Variants in ANKFN1 observed in about 807,000 individuals in gnomAD.
ANKFN1 encodes the protein ankyrin repeat and fibronectin type III domain containing 1, also known as ankyrin repeat and fibronectin type-III domain-containing protein 1.
A neutral mutation model predicts 108.7 loss-of-function variants in ANKFN1; 74 were observed. The observed-to-expected ratio is 0.68, with a 90% CI of 0.56 to 0.83. ANKFN1 has a LOEUF of 0.83. Among genes scored for constraint, ANKFN1 ranks in the 40% least tolerant of loss-of-function variants. The probability of loss-of-function intolerance (pLI) is 0.00; values close to 1 mark genes in which losing one functional copy is unlikely to be tolerated. For missense variants in ANKFN1, 1,505 were observed against 1,382.3 expected (o/e 1.09, Z -1.41); for synonymous variants, 547 against 516.2 (o/e 1.06, Z -0.81).
At chr17:56,101,151 A>C (rs1905640087) in intron 4 of ANKFN1, among the ~76,000 whole-genome samples, 1 of 152,170 alleles carries the variant, frequency 6.6e-6, no homozygotes, top group Non-Finnish European at 1.5e-5. Context: ...GATCTTCCAG[A>C]GTCTTGATTT....
chr17:56,333,996 A>T (rs2045737330), intron 4 of ANKFN1, among the ~76,000 whole-genome samples: 1 of 152,080 alleles, frequency 6.6e-6, no homozygotes, highest in African/African-American at 2.4e-5. Context: ...AAAATGATAC[A>T]TCTTGTTGCT....
chr17:56,151,087 G>A (rs1908575242), upstream of ANKFN1, among the ~76,000 whole-genome samples: 2 of 152,128 alleles, frequency 1.3e-5, no homozygotes, highest in Admixed American at 6.5e-5. Flanking sequence ...CAGGCTAAGA[G>A]TGTAGTCCCA....
intron 4 of ANKFN1, among the ~76,000 whole-genome samples, chr17:56,128,098 T>C (rs1351069207): frequency 6.6e-6 from 1 of 152,186 alleles, no homozygotes. Flanking sequence ...TCTGCTTTCA[T>C]AGGAGTTTGT....
intron 15 of ANKFN1, among the ~76,000 whole-genome samples, chr17:56,467,538 G>T (rs1280272134): frequency 1.3e-5 from 2 of 151,776 alleles, no homozygotes; most frequent in Non-Finnish European, 2.9e-5. Context: ...AAATTAGCCA[G>T]TTGTGATGGC....
intron 4 of ANKFN1, among the ~76,000 whole-genome samples, chr17:56,055,596 T>TATATATATATAC (rs768200056): frequency 1.7e-4 from 22 of 130,638 alleles, no homozygotes; most frequent in Non-Finnish European, 2.4e-4. Context: ...TATGTATATA[T>TATATATATATAC]ACACATTTTT....
intron 15 of ANKFN1, among the ~76,000 whole-genome samples, chr17:56,475,915 T>G: frequency 6.6e-6 from 1 of 152,136 alleles, no homozygotes; most frequent in African/African-American, 2.4e-5. Context: ...ATGAGGAAGT[T>G]TAATTGAATC....
At chr17:56,328,135 C>T (rs1201516616) in intron 4 of ANKFN1, among the ~76,000 whole-genome samples, 1 of 152,022 alleles carries the variant, frequency 6.6e-6, no homozygotes, top group African/African-American at 2.4e-5. Context: ...ACTTACGACC[C>T]CAAGATCCCA....
chr17:56,070,920 G>A (rs929403008), intron 4 of ANKFN1, among the ~76,000 whole-genome samples: 3 of 151,988 alleles, frequency 2.0e-5, no homozygotes, highest in Admixed American at 6.6e-5. Context: ...ATTTTAAGTA[G>A]AGATGGGGTT....
chr17:56,386,840 T>TTA (rs2047290523), intron 8 of ANKFN1, among the ~76,000 whole-genome samples: 1 of 152,088 alleles, frequency 6.6e-6, no homozygotes. Context: ...TTAAGAAGTC[T>TTA]TATTTTCTTA....
chr17:56,304,361 T>G (rs567862070), intron 3 of ANKFN1, among the ~76,000 whole-genome samples: 1 of 152,204 alleles, frequency 6.6e-6, no homozygotes, highest in Non-Finnish European at 1.5e-5. Context: ...TTCTATGGAA[T>G]TGATGTAAAT....
chr17:56,361,081 C>A (rs1340451138), intron 6 of ANKFN1, among the ~76,000 whole-genome samples: 1 of 152,194 alleles, frequency 6.6e-6, no homozygotes, highest in Non-Finnish European at 1.5e-5. Context: ...GTGAGATCAT[C>A]CATTATCTCT....
At chr17:56,105,704 T>G (rs2143233715) in intron 4 of ANKFN1, among the ~76,000 whole-genome samples, 1 of 120,600 alleles carries the variant, frequency 8.3e-6, no homozygotes, top group Non-Finnish European at 1.6e-5. Context: ...TTTGGGGGTT[T>G]TTTTGTCTGT....
intron 3 of ANKFN1, among the ~76,000 whole-genome samples, chr17:56,280,380 C>T (rs141198764): frequency 6.6e-6 from 1 of 152,176 alleles, no homozygotes; most frequent in African/African-American, 2.4e-5. Flanking sequence ...ACTGGGATGA[C>T]CATATTCTCC....
intron 6 of ANKFN1, among the ~76,000 whole-genome samples, chr17:56,364,606 T>G (rs1249946432): frequency 1.3e-5 from 2 of 152,228 alleles, no homozygotes; most frequent in East Asian, 3.8e-4. Context: ...TCCACTCAAG[T>G]GGCTTGCATG....
intron 8 of ANKFN1, among the ~76,000 whole-genome samples, chr17:56,439,534 T>C (rs547825004): frequency 1.3e-5 from 2 of 151,870 alleles, no homozygotes; most frequent in East Asian, 3.9e-4. Context: ...AAATAAACAT[T>C]CACCTTGGGG....
At chr17:56,201,123 T>C (rs973708572) in intron 1 of ANKFN1, among the ~76,000 whole-genome samples, 1 of 152,164 alleles carries the variant, frequency 6.6e-6, no homozygotes, top group African/African-American at 2.4e-5. Context: ...CTTCCCACCA[T>C]TACTGTTGCC....
chr17:56,400,042 A>G (rs2047714313), intron 8 of ANKFN1, among the ~76,000 whole-genome samples: 1 of 151,666 alleles, frequency 6.6e-6, no homozygotes, highest in African/African-American at 2.4e-5. Flanking sequence ...ACTACTATAA[A>G]CATGCATGTG....
At chr17:56,193,463 A>G (rs1913193435) in intron 1 of ANKFN1, among the ~76,000 whole-genome samples, 1 of 149,856 alleles carries the variant, frequency 6.7e-6, no homozygotes, top group Non-Finnish European at 1.5e-5. Context: ...AGCGTTTTTA[A>G]AAAAAAACAA....
intron 6 of ANKFN1, among the ~76,000 whole-genome samples, chr17:56,358,691 G>A (rs569153316): frequency 1.3e-5 from 2 of 152,272 alleles, no homozygotes; most frequent in African/African-American, 4.8e-5. Flanking sequence ...GCTGAGCTTA[G>A]GAAAACAACC....
Sources: gnomAD v4.1 joint callset for allele counts (sites outside exome capture counted in the v4.1 genomes callset) on GRCh38, gnomAD v4.1.1 for gene constraint, MANE v1.5 for transcripts, NCBI Gene and HGNC (gene_info 2026-07-23, HGNC 2026-07-21) for gene names.